Variants in ANGPT1 observed in about 807,000 individuals in gnomAD.
The protein encoded by ANGPT1 is angiopoietin 1.
In ANGPT1, 17 loss-of-function variants were observed where a neutral mutation model predicts 62.2. That is an observed-to-expected ratio of 0.27 (90% CI 0.19 to 0.41). ANGPT1 has a LOEUF of 0.41. ANGPT1 is among the 10% of genes least tolerant of loss of function. The pLI is 1.00. For synonymous variants in ANGPT1, 199 were observed against 198.9 expected (o/e 1.00, Z 0.00); for missense variants, 478 against 594.9 (o/e 0.80, Z 2.04).
intron 3 of ANGPT1, among the ~76,000 whole-genome samples, chr8:107,325,963 C>T (rs1815277070): frequency 6.6e-6 from 1 of 152,076 alleles, no homozygotes; most frequent in Non-Finnish European, 1.5e-5. Flanking sequence ...CAATTCTGGA[C>T]ACTGGCTTGT....
intron 2 of ANGPT1, among the ~76,000 whole-genome samples, chr8:107,338,502 A>C (rs367875755): frequency 4.6e-5 from 7 of 152,360 alleles, no homozygotes; most frequent in Admixed American, 4.6e-4. Flanking sequence ...TGGAGCATTT[A>C]TACTCTAAAA....
At chr8:107,481,318 AG>A (rs1361019383) in intron 1 of ANGPT1, among the ~76,000 whole-genome samples, 1 of 151,890 alleles carries the variant, frequency 6.6e-6, no homozygotes, top group Non-Finnish European at 1.5e-5. Flanking sequence ...GTGGATCACG[AG>A]GTCAAGAGAT....
At chr8:107,293,011 C>T (rs561801756) in intron 6 of ANGPT1, among the ~76,000 whole-genome samples, 1 of 152,116 alleles carries the variant, frequency 6.6e-6, no homozygotes, top group African/African-American at 2.4e-5. Context: ...ATTCTGTCAG[C>T]AGATTTTAAT....
chr8:107,319,568 AT>A (rs1815103419), intron 4 of ANGPT1, among the ~76,000 whole-genome samples: 1 of 151,718 alleles, frequency 6.6e-6, no homozygotes, highest in Non-Finnish European at 1.5e-5. Flanking sequence ...TAAATAATAA[AT>A]TTATATGATA....
chr8:107,357,303 A>G (rs942976718), intron 1 of ANGPT1, among the ~76,000 whole-genome samples: 21 of 152,334 alleles, frequency 1.4e-4, no homozygotes, highest in Non-Finnish European at 2.5e-4. Context: ...TTAAAAAGCA[A>G]CTTGGTATGC....
chr8:107,322,789 T>C (rs1021718928), intron 3 of ANGPT1: 3 of 258,034 alleles, frequency 1.2e-5, no homozygotes, highest in African/African-American at 2.3e-5. Context: ...ATATGTTAGG[T>C]GAAAAAAGAA....
intron 6 of ANGPT1, among the ~76,000 whole-genome samples, chr8:107,287,339 C>A (rs1212734949): frequency 1.3e-5 from 2 of 152,146 alleles, no homozygotes; most frequent in African/African-American, 2.4e-5. Context: ...GCCTGTACTT[C>A]CCTCTAAATG....
intron 2 of ANGPT1, among the ~76,000 whole-genome samples, chr8:107,343,930 C>T (rs1370413165): frequency 6.6e-6 from 1 of 152,028 alleles, no homozygotes; most frequent in Non-Finnish European, 1.5e-5. Flanking sequence ...AGCATGGTGG[C>T]ACACACCTGT....
intron 1 of ANGPT1, among the ~76,000 whole-genome samples, chr8:107,404,009 G>T (rs889144008): frequency 1.3e-5 from 2 of 152,086 alleles, no homozygotes; most frequent in Admixed American, 6.6e-5. Context: ...ATAAAGGGCT[G>T]TTGCAACTTA....
intron 1 of ANGPT1, among the ~76,000 whole-genome samples, chr8:107,379,785 A>C (rs577670900): frequency 6.6e-6 from 1 of 152,288 alleles, no homozygotes; most frequent in South Asian, 2.1e-4. Context: ...GGCAAGAGGG[A>C]AGATGACAGT....
intron 2 of ANGPT1, among the ~76,000 whole-genome samples, chr8:107,344,411 G>C (rs1036087053): frequency 1.3e-5 from 2 of 152,130 alleles, no homozygotes; most frequent in Admixed American, 6.5e-5. Flanking sequence ...CCAGACTAAG[G>C]GGGAAGGAAA....
chr8:107,360,273 T>C (rs1300570265), intron 1 of ANGPT1, among the ~76,000 whole-genome samples: 1 of 152,194 alleles, frequency 6.6e-6, no homozygotes, highest in Non-Finnish European at 1.5e-5. Context: ...GCCAATGAGG[T>C]AAGGTCTTGA....
chr8:107,322,200 T>TTCC (rs2130064653), intron 3 of ANGPT1, 72 bp from the exon 4 acceptor site: 1 of 1,076,998 alleles, frequency 9.3e-7, no homozygotes, highest in South Asian at 1.6e-5. Flanking sequence ...ATTCAATTGG[T>TTCC]TCCTGAATTT....
At chr8:107,338,804 G>A (rs1346998392) in intron 2 of ANGPT1, among the ~76,000 whole-genome samples, 1 of 152,102 alleles carries the variant, frequency 6.6e-6, no homozygotes, top group Non-Finnish European at 1.5e-5. Flanking sequence ...TTTATTGAGT[G>A]ACAATTTATA....
intron 1 of ANGPT1, among the ~76,000 whole-genome samples, chr8:107,469,918 G>A (rs1275274559): frequency 1.3e-5 from 2 of 151,948 alleles, no homozygotes; most frequent in Admixed American, 1.3e-4. Context: ...TTTTCACAAG[G>A]CATACAAAAA....
chr8:107,377,228 A>T (rs1039623344), intron 1 of ANGPT1, among the ~76,000 whole-genome samples: 1 of 152,236 alleles, frequency 6.6e-6, no homozygotes, highest in African/African-American at 2.4e-5. Flanking sequence ...ACATTTTTTA[A>T]TGTTGAAATA....
At chr8:107,307,721 T>C (rs1264609837) in intron 4 of ANGPT1, among the ~76,000 whole-genome samples, 1 of 152,190 alleles carries the variant, frequency 6.6e-6, no homozygotes, top group Non-Finnish European at 1.5e-5. Context: ...ATTTCTTATA[T>C]ATCTGTTCAT....
rs62514487 is a variant in ANGPT1, at chr8:107,492,857, C to A, written c.297+4405G>T. Among the ~76,000 whole-genome samples, 836 of 150,262 alleles carry A rather than the reference C, an allele frequency of 5.6e-3. 36 individuals are homozygous for A. The highest frequency in any genetic ancestry group is 8.9e-3 in the Non-Finnish European group (603 of 67,654). Reference sequence around the variant, plus strand: ...AGATGCATATTATTATAATTAAGTTCTCATGTGCATATAGTATACAGATAT... The same window carrying A: ...AGATGCATATTATTATAATTAAGTTATCATGTGCATATAGTATACAGATAT... On this transcript the variant is annotated intron_variant, in intron 1 of 8. Transcript: ENST00000517746.
chr8:107,378,563 C>T (rs1816573929), intron 1 of ANGPT1, among the ~76,000 whole-genome samples: 1 of 152,138 alleles, frequency 6.6e-6, no homozygotes, highest in South Asian at 2.1e-4. Context: ...TATGTCCCCA[C>T]TGAAATCTCA....
Sources: allele counts gnomAD v4.1 joint callset (sites outside exome capture counted in the v4.1 genomes callset), GRCh38; gene constraint gnomAD v4.1.1; transcripts MANE v1.5; gene names NCBI Gene and HGNC (gene_info 2026-07-23, HGNC 2026-07-21).